The following RALYL variants were observed in gnomAD, a reference collection of about 807,000 sequenced individuals.
RALYL encodes the protein RALY RNA binding protein like.
Under a neutral mutation model 35.1 loss-of-function variants are expected in RALYL, and 29 were observed. That is an observed-to-expected ratio of 0.83 (90% CI 0.61 to 1.13). The LOEUF (loss-of-function observed/expected upper bound fraction) is 1.13. Among genes scored for constraint, RALYL ranks in the 50% most tolerant of loss-of-function variants. RALYL has a pLI of 0.00. For synonymous variants in RALYL, 120 were observed against 127.6 expected (o/e 0.94, Z 0.40); for missense variants, 359 against 360.4 (o/e 1.00, Z 0.03).
intron 1 of RALYL, among the ~76,000 whole-genome samples, chr8:84,357,679 T>G (rs1852125389): frequency 6.6e-6 from 1 of 150,390 alleles, no homozygotes; most frequent in African/African-American, 2.4e-5. Flanking sequence ...TTTTAAATCA[T>G]TGGCATCTAT....
At chr8:84,920,552 G>C (rs1214790989) in intron 8 of RALYL, among the ~76,000 whole-genome samples, 1 of 152,136 alleles carries the variant, frequency 6.6e-6, no homozygotes, top group South Asian at 2.1e-4. Context: ...GCACAACAAA[G>C]ATTCACGAGT....
chr8:84,569,675 GA>G (rs1807442898), intron 2 of RALYL, among the ~76,000 whole-genome samples: 1 of 151,790 alleles, frequency 6.6e-6, no homozygotes, highest in African/African-American at 2.4e-5. Context: ...TCAATGTCCA[GA>G]AGAGTGTTTT....
chr8:84,248,176 T>A (rs1829490295), intron 1 of RALYL, among the ~76,000 whole-genome samples: 1 of 152,068 alleles, frequency 6.6e-6, no homozygotes, highest in Non-Finnish European at 1.5e-5. Context: ...TACCAAAATA[T>A]GTGATTAAAT....
At chr8:84,428,353 C>T (rs542052524) in intron 1 of RALYL, among the ~76,000 whole-genome samples, 25 of 152,186 alleles carry the variant, frequency 1.6e-4, no homozygotes, top group South Asian at 8.3e-4. Context: ...CCATCACCTC[C>T]GAGGAGTTTC....
At position 84,514,836 on chromosome 8, in the gene RALYL, T is replaced by C. The variant is rs546475339; in HGVS notation, c.-23-14463T>C. On this transcript the variant is annotated intron_variant, in intron 1 of 8. Transcript: ENST00000521268. Reference sequence around the variant, plus strand: ...GTGTGGGCCACCCCAGTAATAGGTTTTTGCAGGTGCTAGTATTATTAAAGA... The same window carrying C: ...GTGTGGGCCACCCCAGTAATAGGTTCTTGCAGGTGCTAGTATTATTAAAGA... Among the ~76,000 whole-genome samples the C allele has an allele frequency of 6.6e-5, 9 of 136,854 alleles. No homozygotes were observed. In the East Asian group the frequency reaches 1.7e-3, roughly 26 times the overall value. The allele number at this position is 136,854 out of a possible 152,430, so 89.8% of individuals were successfully genotyped here.
rs1385404578 is a variant in RALYL, at chr8:84,480,647, AAG to A, written c.-23-48647_-23-48646del. ...GAAGAAAGCCAAGAAATGTGGTGAT[AAG>A]AGAGCGTTCAAGATAGGGGACTTTT... On this transcript the variant is annotated intron_variant, in intron 1 of 8. Transcript: ENST00000521268. Among the ~76,000 whole-genome samples, 8 of 152,270 alleles carry A rather than the reference AAG, an allele frequency of 5.3e-5. No individual in the cohort carries two copies. In the South Asian group the frequency reaches 1.7e-3, roughly 32 times the overall value.
At chr8:84,836,014 A>G (rs1226347465) in intron 4 of RALYL, among the ~76,000 whole-genome samples, 1 of 152,224 alleles carries the variant, frequency 6.6e-6, no homozygotes, top group Non-Finnish European at 1.5e-5. Context: ...CTTGTAAGCC[A>G]TGGGGACTAA....
intron 2 of RALYL, among the ~76,000 whole-genome samples, chr8:84,698,461 C>A (rs144985496): frequency 3.9e-5 from 6 of 151,922 alleles, no homozygotes; most frequent in African/African-American, 1.2e-4. Context: ...GCAGAATATG[C>A]AAGATATCAT....
chr8:84,619,170 A>G (rs1820623767), intron 2 of RALYL, among the ~76,000 whole-genome samples: 1 of 151,612 alleles, frequency 6.6e-6, no homozygotes, highest in African/African-American at 2.4e-5. Flanking sequence ...TGTCTCATTG[A>G]TCTGTCTAAT....
At chr8:84,578,023 G>A (rs1343764454) in intron 2 of RALYL, among the ~76,000 whole-genome samples, 1 of 152,202 alleles carries the variant, frequency 6.6e-6, no homozygotes, top group Non-Finnish European at 1.5e-5. Flanking sequence ...CACTGGGCTT[G>A]TTCCACCCAC....
intron 1 of RALYL, among the ~76,000 whole-genome samples, chr8:84,332,316 G>T (rs958807527): frequency 6.6e-6 from 1 of 152,058 alleles, no homozygotes; most frequent in African/African-American, 2.4e-5. Context: ...TTAAGAATCA[G>T]CAGAAAAAAG....
At chr8:84,515,959 A>G (rs1310780895) in intron 1 of RALYL, among the ~76,000 whole-genome samples, 3 of 149,314 alleles carry the variant, frequency 2.0e-5, no homozygotes, top group African/African-American at 7.4e-5. Context: ...GATTATCTCA[A>G]ATGATAAAAA....
At chr8:84,388,356 G>C (rs149488007) in intron 1 of RALYL, among the ~76,000 whole-genome samples, 25,865 of 151,832 alleles carry the variant, frequency 0.17, 3,139 homozygotes, top group African/African-American at 0.35. Flanking sequence ...GGGTATATAC[G>C]CAGTAATGGG....
intron 1 of RALYL, among the ~76,000 whole-genome samples, chr8:84,434,566 C>T (rs920761209): frequency 2.6e-5 from 4 of 152,078 alleles, no homozygotes; most frequent in African/African-American, 9.7e-5. Context: ...CCAGTTATAC[C>T]TTAGCCATAA....
rs559350210 is a variant in RALYL at position 84,689,527 on chromosome 8, G to C, written c.257-85052G>C. Among the ~76,000 whole-genome samples, 160 of 152,022 alleles carry C rather than the reference G, an allele frequency of 1.1e-3. 2 individuals carry two copies. The highest frequency in any genetic ancestry group is 3.6e-3 in the African/African-American group (150 of 41,482). The stretch of plus-strand genomic sequence containing the variant: ...AGTCTTTGCTATTGTGAATAGTGCC[G>C]CAATAAACATACGTGTGCATGTGTC... On this transcript the variant is annotated intron_variant, in intron 2 of 8. Transcript: ENST00000521268.
intron 2 of RALYL, among the ~76,000 whole-genome samples, chr8:84,687,904 C>G (rs1837167247): frequency 6.6e-6 from 1 of 151,970 alleles, no homozygotes; most frequent in African/African-American, 2.4e-5. Flanking sequence ...CTCATGATCC[C>G]ATCCACCTTT....
intron 2 of RALYL, among the ~76,000 whole-genome samples, chr8:84,582,136 G>T (rs1810975389): frequency 6.6e-6 from 1 of 151,990 alleles, no homozygotes; most frequent in Non-Finnish European, 1.5e-5. Context: ...GAACAAAGTT[G>T]ACACAAAGTT....
intron 2 of RALYL, among the ~76,000 whole-genome samples, chr8:84,653,208 T>A (rs1253945688): frequency 6.6e-6 from 1 of 152,140 alleles, no homozygotes; most frequent in Non-Finnish European, 1.5e-5. Context: ...CTTCTTCAGC[T>A]GCTTTAAATT....
chr8:84,916,336 G>T (rs950627580), intron 8 of RALYL, among the ~76,000 whole-genome samples: 3 of 151,666 alleles, frequency 2.0e-5, no homozygotes, highest in Non-Finnish European at 2.9e-5. Flanking sequence ...CTGAAAAAGA[G>T]GGTTCTTTTT....
Sources: gnomAD v4.1 joint callset for allele counts (sites outside exome capture counted in the v4.1 genomes callset) on GRCh38, gnomAD v4.1.1 for gene constraint, MANE v1.5 for transcripts, NCBI Gene and HGNC (gene_info 2026-07-23, HGNC 2026-07-21) for gene names.